The following CTNNBL1 variants were observed in gnomAD, a reference collection of about 807,000 sequenced individuals.
CTNNBL1 encodes beta-catenin-like protein 1.
Under a neutral mutation model 72.7 loss-of-function variants are expected in CTNNBL1, and 31 were observed. That is an observed-to-expected ratio of 0.43 (90% CI 0.32 to 0.58). CTNNBL1 has a LOEUF of 0.58. Ranked by LOEUF, CTNNBL1 falls within the 20% of genes least tolerant of loss-of-function variation. The pLI, the probability that CTNNBL1 is intolerant of heterozygous loss-of-function variation, is 0.08. For missense variants in CTNNBL1, 534 were observed against 725.1 expected (o/e 0.74, Z 3.03); for synonymous variants, 240 against 267.3 (o/e 0.90, Z 1.00).
In CTNNBL1 at chr20:37,713,482, A is replaced by G. The variant is rs112776406; in HGVS notation, c.30+19330A>G. 2.9e-3 allele frequency among the ~76,000 whole-genome samples: 445 copies of G among 152,316 alleles called. 5 individuals carry two copies. Among genetic ancestry groups the G allele is most frequent in the East Asian group, 0.017 (89 of 5,184 alleles). On this transcript the variant is annotated intron_variant, in intron 1 of 15. Coordinates refer to ENST00000361383, the MANE Select transcript of CTNNBL1 (RefSeq NM_030877.5). ...TTAATTAAAAAAGCAATTTTTAGCT[A>G]TGCTTCACCTTGTGTGAGGCAGAGG...
intron 11 of CTNNBL1, among the ~76,000 whole-genome samples, chr20:37,833,473 A>G (rs1338067728): frequency 6.6e-6 from 1 of 152,144 alleles, no homozygotes; most frequent in Non-Finnish European, 1.5e-5. Flanking sequence ...TGGCTCTGTA[A>G]CGCTCCACCT....
chr20:37,804,408 A>AT (rs940719746), intron 11 of CTNNBL1, among the ~76,000 whole-genome samples: 74 of 146,658 alleles, frequency 5.0e-4, no homozygotes, highest in African/African-American at 9.5e-4. Flanking sequence ...TGGCATCCTT[A>AT]TTTTTTTTTT....
intron 11 of CTNNBL1, among the ~76,000 whole-genome samples, chr20:37,813,839 C>A (rs756919976): frequency 6.6e-5 from 10 of 152,118 alleles, no homozygotes; most frequent in Non-Finnish European, 1.5e-4. Flanking sequence ...TAGGTGGTGC[C>A]AAAATGGGGA....
intron 3 of CTNNBL1, among the ~76,000 whole-genome samples, chr20:37,741,031 C>T (rs7264772): frequency 6.6e-6 from 1 of 152,184 alleles, no homozygotes; most frequent in African/African-American, 2.4e-5. Flanking sequence ...TGCTGATATT[C>T]ACCCTTGTGG....
intron 11 of CTNNBL1, among the ~76,000 whole-genome samples, chr20:37,810,517 T>C (rs1380984983): frequency 6.6e-6 from 1 of 152,186 alleles, no homozygotes; most frequent in Non-Finnish European, 1.5e-5. Context: ...TTGGTGGGGA[T>C]AAACCACATC....
intron 5 of CTNNBL1, among the ~76,000 whole-genome samples, chr20:37,761,117 G>A (rs961181774): frequency 1.3e-5 from 2 of 152,176 alleles, no homozygotes; most frequent in Admixed American, 6.5e-5. Context: ...ATCAGGAAGG[G>A]CTGCAGAGAT....
chr20:37,871,836 G>GCTGGGGTT, intron 15 of CTNNBL1, 89 bp from the exon 16 acceptor site: 2 of 1,149,050 alleles, frequency 1.7e-6, no homozygotes, highest in South Asian at 2.5e-5. Context: ...CTCTGTGGGA[G>GCTGGGGTT]CTGGGGTTCT....
chr20:37,708,334 G>A (rs971829769), intron 1 of CTNNBL1, among the ~76,000 whole-genome samples: 2 of 151,998 alleles, frequency 1.3e-5, no homozygotes, highest in Admixed American at 1.3e-4. Flanking sequence ...ACCATGCCCA[G>A]CTAATTTTTG....
chr20:37,828,605 G>A (rs1203727472), intron 11 of CTNNBL1, among the ~76,000 whole-genome samples: 2 of 152,182 alleles, frequency 1.3e-5, no homozygotes, highest in African/African-American at 4.8e-5. Context: ...GAGATAACAT[G>A]TGTAAAGCAC....
rs190090859 is a variant in CTNNBL1, at chr20:37,756,861, G to A, written c.467-698G>A. 1.5e-3 allele frequency among the ~76,000 whole-genome samples: 225 copies of A among 151,556 alleles called. 1 individual carries two copies. The highest frequency in any genetic ancestry group is 6.8e-3 in the Middle Eastern group (2 of 292). On this transcript the variant is annotated intron_variant, in intron 4 of 15. Coordinates refer to ENST00000361383, the MANE Select transcript of CTNNBL1 (RefSeq NM_030877.5). ...AAGGTCTCACTATGTTGCCCAGGCT[G>A]GTTTCAAACTCCTGAGCTCAAGCAG...
At chr20:37,787,706 G>A (rs1342941987) in intron 10 of CTNNBL1, among the ~76,000 whole-genome samples, 1 of 152,124 alleles carries the variant, frequency 6.6e-6, no homozygotes, top group Non-Finnish European at 1.5e-5. Context: ...TTAACTATTT[G>A]ATTTTATAGT....
chr20:37,851,598 A>G, intron 13 of CTNNBL1, among the ~76,000 whole-genome samples: 1 of 152,250 alleles, frequency 6.6e-6, no homozygotes, highest in Non-Finnish European at 1.5e-5. Context: ...CCTTGGAAAC[A>G]AATTTGCATG....
chr20:37,826,510 A>G (rs1385698064), intron 11 of CTNNBL1, among the ~76,000 whole-genome samples: 2 of 152,244 alleles, frequency 1.3e-5, no homozygotes, highest in African/African-American at 4.8e-5. Context: ...TGGAAAAGGC[A>G]TTCAAAATTT....
chr20:37,838,463 A>G (rs2072273797), intron 11 of CTNNBL1, among the ~76,000 whole-genome samples: 1 of 152,252 alleles, frequency 6.6e-6, no homozygotes, highest in Non-Finnish European at 1.5e-5. Flanking sequence ...GTGAGAAAGA[A>G]GAGAATCAAA....
intron 11 of CTNNBL1, among the ~76,000 whole-genome samples, chr20:37,827,961 C>T (rs371942368): frequency 1.3e-5 from 2 of 152,234 alleles, no homozygotes; most frequent in East Asian, 3.9e-4. Flanking sequence ...GCCTCTAAAT[C>T]TCTTGTGTTT....
chr20:37,819,423 ACTTACCTGC>A, intron 11 of CTNNBL1, among the ~76,000 whole-genome samples: 1 of 152,130 alleles, frequency 6.6e-6, no homozygotes, highest in Non-Finnish European at 1.5e-5. Flanking sequence ...TTTCCTTTTT[ACTTACCTGC>A]CTCATTATGA....
chr20:37,825,970 A>C (rs1183477115), intron 11 of CTNNBL1, among the ~76,000 whole-genome samples: 1 of 152,184 alleles, frequency 6.6e-6, no homozygotes, highest in Non-Finnish European at 1.5e-5. Context: ...CCTTTTCCAC[A>C]GGAGGCGGCG....
intron 1 of CTNNBL1, among the ~76,000 whole-genome samples, chr20:37,713,738 C>G (rs2122563076): frequency 6.6e-6 from 1 of 152,274 alleles, no homozygotes; most frequent in East Asian, 1.9e-4. Flanking sequence ...GAATGCAAAG[C>G]AGCTCATAGA....
intron 11 of CTNNBL1, among the ~76,000 whole-genome samples, chr20:37,818,339 G>T (rs1306557060): frequency 6.6e-6 from 1 of 152,192 alleles, no homozygotes; most frequent in East Asian, 1.9e-4. Flanking sequence ...TAGACTTCCA[G>T]TCAACTTTGG....
Sources: gnomAD v4.1 joint callset for allele counts (sites outside exome capture counted in the v4.1 genomes callset) on GRCh38, gnomAD v4.1.1 for gene constraint, MANE v1.5 for transcripts, NCBI Gene and HGNC (gene_info 2026-07-23, HGNC 2026-07-21) for gene names.